PRRT4: variants seen among roughly 807,000 people sequenced by gnomAD.
PRRT4 encodes proline rich transmembrane protein 4.
Under a neutral mutation model 55.6 loss-of-function variants are expected in PRRT4, and 59 were observed. The observed-to-expected ratio is 1.06, with a 90% CI of 0.86 to 1.32. The LOEUF is 1.32. Ranked by LOEUF, PRRT4 falls within the 40% of genes most tolerant of loss-of-function variation. The probability of loss-of-function intolerance (pLI) is 0.00; values close to 1 mark genes in which losing one functional copy is unlikely to be tolerated. For missense variants in PRRT4, 1,217 were observed against 1,222.0 expected, an observed-to-expected ratio of 1.00 and a Z score of 0.06; for synonymous variants, 606 against 601.8, an observed-to-expected ratio of 1.01 and a Z score of -0.10.
chr7:128,351,040 G>T, exon 5 of PRRT4: 1 of 1,549,414 alleles, frequency 6.5e-7, no homozygotes, highest in South Asian at 1.2e-5. Flanking sequence ...GCTTCCTGAG[G>T]GCCGCGGGGG....
chr7:128,352,965 TAA>T (rs1414721652), intron 4 of PRRT4, among the ~76,000 whole-genome samples: 1 of 152,068 alleles, frequency 6.6e-6, no homozygotes, highest in African/African-American at 2.4e-5. Context: ...GTGATTCTAT[TAA>T]AGAGTTTTTC....
chr7:128,354,566 AAAAAACAC>A lies in PRRT4; in HGVS notation c.878-1896_878-1889del, dbSNP rs1433974685. On this transcript the variant is annotated intron_variant, in intron 4 of 4. Transcript: ENST00000535159. ...GTGACAGAGCGAGACTCTGGCTCAA[AAAAAACAC>A]ACACACACACACACACACACACACA... 5.0e-3 allele frequency among the ~76,000 whole-genome samples: 143 copies of A among 28,336 alleles called. 1 individual carries two copies. Among genetic ancestry groups the A allele is most frequent in the African/African-American group, 8.1e-3 (123 of 15,148 alleles). The allele number at this position is 28,336 out of a possible 152,430, so 18.6% of individuals were successfully genotyped here. A position where few individuals can be genotyped will look rare whatever the true frequency, so the allele number is the denominator to read the frequency against.
chr7:128,359,310 G>A (rs1358233358), intron 2 of PRRT4, 30 bp downstream of exon 3: 4 of 1,516,266 alleles, frequency 2.6e-6, no homozygotes, highest in Non-Finnish European at 3.5e-6. Context: ...GCCCAGCAGG[G>A]GCTTTCCTTG....
In PRRT4 at chr7:128,358,289, T is replaced by A. The variant is rs534850339; in HGVS notation, c.877+392A>T. On this transcript the variant is annotated intron_variant, in intron 4 of 4. Coordinates refer to ENST00000535159, the Ensembl canonical transcript of PRRT4. The surrounding 1 kb of genome is among the most constrained non-coding windows in gnomAD (Gnocchi z 4.4). Reference sequence around the variant, plus strand: ...CCAGCTCTTCCCATATCTGACAGCATGTCATGTCAGATCAGATGGCAAAGG... The same window carrying A: ...CCAGCTCTTCCCATATCTGACAGCAAGTCATGTCAGATCAGATGGCAAAGG... Among the ~76,000 whole-genome samples, 2 of 152,286 alleles carry A rather than the reference T, an allele frequency of 1.3e-5. No individual in the cohort carries two copies. Among genetic ancestry groups the A allele is most frequent in the East Asian group, 3.9e-4 (2 of 5,184 alleles).
chr7:128,359,266 C>A lies in PRRT4; in HGVS notation c.653-13G>T. The A allele has an allele frequency of 1.9e-6, 3 of 1,548,028 alleles. No homozygotes were observed. Among genetic ancestry groups the A allele is most frequent in the Non-Finnish European group, 2.6e-6 (3 of 1,145,510 alleles). ...GTGCCAAAGAATCCTGCAAAAGAAGCCCAGGCTGAAGCTGCCTCCTACCTG... is the reference window on the plus strand; with the variant it reads ...GTGCCAAAGAATCCTGCAAAAGAAGACCAGGCTGAAGCTGCCTCCTACCTG... On this transcript the variant is annotated splice_polypyrimidine_tract_variant and intron_variant, in intron 2 of 4. Coordinates refer to ENST00000535159, the Ensembl canonical transcript of PRRT4.
At chr7:128,356,745 T>G (rs1205488599) in intron 4 of PRRT4, among the ~76,000 whole-genome samples, 1 of 152,182 alleles carries the variant, frequency 6.6e-6, no homozygotes, top group Non-Finnish European at 1.5e-5. Flanking sequence ...CAGGCCTGAT[T>G]ATCCACCAGC....
downstream of PRRT4, chr7:128,350,470 T>C (rs1796930673): frequency 5.3e-6 from 1 of 187,940 alleles, no homozygotes; most frequent in Admixed American, 8.1e-5. Flanking sequence ...TTCCTAGGCA[T>C]GGCAGAGGTG....
chr7:128,352,329 G>A (rs1797005176), exon 5 of PRRT4: 1 of 1,541,472 alleles, frequency 6.5e-7, no homozygotes, highest in Non-Finnish European at 8.7e-7. Context: ...GCGTGGTCCC[G>A]GCCGACAGCA....
At chr7:128,351,435 G>A (rs772905776) in exon 5 of PRRT4, 59 of 1,526,036 alleles carry the variant, frequency 3.9e-5, no homozygotes, top group Non-Finnish European at 5.0e-5. Flanking sequence ...AGGAAGCCGG[G>A]GACGGGGCCG....
intron 4 of PRRT4, among the ~76,000 whole-genome samples, chr7:128,353,157 A>G (rs1473092611): frequency 6.6e-6 from 1 of 152,128 alleles, no homozygotes; most frequent in East Asian, 1.9e-4. Context: ...TTCATTGACT[A>G]AATGAATCCC....
chr7:128,350,724 C>A (rs937659043), downstream of PRRT4: 4 of 1,390,138 alleles, frequency 2.9e-6, no homozygotes, highest in Admixed American at 4.8e-5. Context: ...CACCCAGGGA[C>A]CCCTGGATGG....
intron 1 of PRRT4, among the ~76,000 whole-genome samples, chr7:128,361,095 T>TCA (rs1797241424): frequency 7.5e-6 from 1 of 133,604 alleles, no homozygotes; most frequent in Non-Finnish European, 1.6e-5. Context: ...TCTCTCTCTC[T>TCA]CTCTCTCTCA....
At chr7:128,359,662 G>A (rs1797198836) in exon 2 of PRRT4, 1 of 1,550,558 alleles carries the variant, frequency 6.4e-7, no homozygotes, top group Admixed American at 2.0e-5. Flanking sequence ...CCCACTCAGT[G>A]AGAGAGTTCC....
chr7:128,361,694 G>A (rs1006418381), upstream of PRRT4: 2 of 152,560 alleles, frequency 1.3e-5, no homozygotes, highest in South Asian at 1.8e-4. Flanking sequence ...CGGCTCTGAC[G>A]GCCCTCCCGT....
chr7:128,359,859 C>G, exon 2 of PRRT4: 1 of 1,488,272 alleles, frequency 6.7e-7, no homozygotes, highest in Non-Finnish European at 9.0e-7. Context: ...AGCATAGAGG[C>G]CTCACTTTGA....
chr7:128,361,684 C>A, exon 1 of PRRT4: 1 of 152,666 alleles, frequency 6.6e-6, no homozygotes, highest in South Asian at 1.8e-4. Context: ...CCGCGGCAGC[C>A]GGCTCTGACG....
At chr7:128,361,103 T>TCACACA (rs71160634) in intron 1 of PRRT4, among the ~76,000 whole-genome samples, 34 of 77,566 alleles carry the variant, frequency 4.4e-4, no homozygotes, top group African/African-American at 1.2e-3. Flanking sequence ...TCTCTCTCTC[T>TCACACA]CACACACACA....
At chr7:128,352,736 C>T in intron 4 of PRRT4, 58 bp from the exon 6 acceptor site, 1 of 1,431,220 alleles carries the variant, frequency 7.0e-7, no homozygotes, top group Non-Finnish European at 9.2e-7. Context: ...TTACCCACCC[C>T]ACAAGCAGTA....
intron 4 of PRRT4, among the ~76,000 whole-genome samples, chr7:128,354,089 A>G (rs1214687653): frequency 6.6e-6 from 1 of 152,176 alleles, no homozygotes; most frequent in Non-Finnish European, 1.5e-5. Context: ...AAGGATGTGG[A>G]CAGCCTGGCA....
Sources: gnomAD v4.1 joint callset for allele counts (sites outside exome capture counted in the v4.1 genomes callset) on GRCh38, gnomAD v4.1.1 for gene constraint, Gnocchi (gnomAD v3.1) non-coding constraint, MANE v1.5 for transcripts, NCBI Gene and HGNC (gene_info 2026-07-23, HGNC 2026-07-21) for gene names.